The following FGF12 variants were observed in gnomAD, a reference collection of about 807,000 sequenced individuals.
FGF12 encodes the protein fibroblast growth factor 12B.
A neutral mutation model predicts 23.6 loss-of-function variants in FGF12; 14 were observed. The ratio of observed to expected loss-of-function variants is 0.59; its 90% CI spans 0.39 to 0.93. The LOEUF (loss-of-function observed/expected upper bound fraction) is 0.93, where lower values mean the gene tolerates loss of function less well. Ranked by LOEUF, FGF12 falls within the 40% of genes least tolerant of loss-of-function variation. The pLI is 0.00. For synonymous variants in FGF12, 62 were observed against 77.3 expected (o/e 0.80, Z 1.04); for missense variants, 175 against 217.8 (o/e 0.80, Z 1.24).
chr3:192,338,042 G>A (rs1455657700), intron 3 of FGF12, among the ~76,000 whole-genome samples: 1 of 152,148 alleles, frequency 6.6e-6, no homozygotes, highest in Admixed American at 6.6e-5. Flanking sequence ...AAGATTTAGA[G>A]TTAACCCAGG....
intron 4 of FGF12, among the ~76,000 whole-genome samples, chr3:192,330,509 T>C (rs1168872861): frequency 6.6e-6 from 1 of 152,138 alleles, no homozygotes; most frequent in Non-Finnish European, 1.5e-5. Context: ...AAAAACTGTA[T>C]ATCCACATGC....
intron 2 of FGF12, among the ~76,000 whole-genome samples, chr3:192,414,433 G>A (rs1373945487): frequency 2.0e-5 from 3 of 152,178 alleles, no homozygotes; most frequent in African/African-American, 4.8e-5. Flanking sequence ...TGTGCTATAC[G>A]CATGTCAACA....
At chr3:192,616,726 C>T (rs752170509) in intron 2 of FGF12, among the ~76,000 whole-genome samples, 29 of 152,020 alleles carry the variant, frequency 1.9e-4, no homozygotes, top group East Asian at 5.8e-4. Context: ...AAATCTTCTA[C>T]GGCATTATGT....
chr3:192,435,579 G>A (rs6794449), intron 2 of FGF12, among the ~76,000 whole-genome samples: 70,730 of 151,962 alleles, frequency 0.47, 16,743 homozygotes, highest in South Asian at 0.53. Context: ...AGCATTGTTC[G>A]GCCAGCAGGC....
chr3:192,340,479 A>G lies in FGF12; in HGVS notation c.125-5015T>C, dbSNP rs187060448. Among the ~76,000 whole-genome samples the G allele has an allele frequency of 4.8e-4, 73 of 152,304 alleles. No individual in the cohort carries two copies. The East Asian group carries it at 7.1e-3, about 15-fold the overall frequency. On this transcript the variant is annotated intron_variant, in intron 3 of 5. Transcript: ENST00000445105. ...CAATCCCAGTAAACATTTGCAGACT[A>G]AATAATACTACAATTATATGCCAAA... is the stretch of plus-strand genomic sequence containing the variant.
intron 2 of FGF12, among the ~76,000 whole-genome samples, chr3:192,667,357 A>T (rs1327018067): frequency 3.3e-5 from 5 of 152,108 alleles, no homozygotes; most frequent in African/African-American, 1.2e-4. Context: ...TAATCCCAGC[A>T]GTTTGGGAGG....
intron 2 of FGF12, among the ~76,000 whole-genome samples, chr3:192,454,880 G>A (rs73068378): frequency 0.048 from 7,253 of 152,110 alleles, 600 homozygotes; most frequent in African/African-American, 0.17. Flanking sequence ...ACAATAAGAC[G>A]GACATTACAA....
At chr3:192,364,852 G>C (rs1244911153) in intron 2 of FGF12, among the ~76,000 whole-genome samples, 1 of 152,114 alleles carries the variant, frequency 6.6e-6, no homozygotes. Flanking sequence ...GGGAAGGAGA[G>C]AGTAATATTA....
At chr3:192,243,445 T>C (rs1374010789) in intron 4 of FGF12, among the ~76,000 whole-genome samples, 1 of 151,646 alleles carries the variant, frequency 6.6e-6, no homozygotes, top group African/African-American at 2.4e-5. Context: ...AAGTAAAGCA[T>C]ATATGTATAT....
intron 3 of FGF12, among the ~76,000 whole-genome samples, chr3:192,353,035 G>A (rs1317185204): frequency 6.6e-6 from 1 of 152,132 alleles, no homozygotes; most frequent in Non-Finnish European, 1.5e-5. Flanking sequence ...TTCTATATCA[G>A]AAGTAAATAA....
chr3:192,636,884 C>A (rs1016114610), intron 2 of FGF12, among the ~76,000 whole-genome samples: 8 of 152,098 alleles, frequency 5.3e-5, no homozygotes, highest in African/African-American at 1.9e-4. Flanking sequence ...CTAAGAAAGG[C>A]CATGAGAGGA....
intron 2 of FGF12, among the ~76,000 whole-genome samples, chr3:192,681,613 A>G (rs1319506619): frequency 6.6e-6 from 1 of 152,220 alleles, no homozygotes; most frequent in East Asian, 1.9e-4. Flanking sequence ...ATAAAGAAAG[A>G]GCATGAAAGA....
At chr3:192,477,246 ACTCTATCTCCTGC>A (rs1723351766) in intron 2 of FGF12, among the ~76,000 whole-genome samples, 1 of 152,104 alleles carries the variant, frequency 6.6e-6, no homozygotes, top group Non-Finnish European at 1.5e-5. Context: ...TTCTCTCTTC[ACTCTATCTCCTGC>A]CAGCGCTTCC....
In FGF12 at chr3:192,142,280, G is replaced by A. The variant is rs938781784; in HGVS notation, c.*1729C>T. On this transcript the variant is annotated 3_prime_UTR_variant, in exon 6 of 6. Coordinates refer to ENST00000445105, the MANE Select transcript of FGF12 (RefSeq NM_004113.6). ...TCCACTATTGAAGAATAATGATTGT[G>A]TAAAGTGAGGGAAACTATATTGACC... 6.6e-6 allele frequency: 1 copy of A among 152,476 alleles called. No individual in the cohort carries two copies. Among genetic ancestry groups the A allele is most frequent in the Admixed American group, 6.6e-5 (1 of 15,258 alleles). The allele number at this position is 152,476 out of a possible 1,614,324, so 9.4% of individuals were successfully genotyped here. A position where few individuals can be genotyped will look rare whatever the true frequency, so the allele number is the denominator to read the frequency against.
chr3:192,211,976 A>G (rs563063254), intron 4 of FGF12, among the ~76,000 whole-genome samples: 4 of 152,230 alleles, frequency 2.6e-5, no homozygotes, highest in Non-Finnish European at 4.4e-5. Context: ...CAGGAATGTT[A>G]AACAGCCTAT....
chr3:192,356,902 C>A (rs1402423868), intron 3 of FGF12, among the ~76,000 whole-genome samples: 1 of 152,176 alleles, frequency 6.6e-6, no homozygotes, highest in Non-Finnish European at 1.5e-5. Context: ...GACTTCTAAT[C>A]CCCACTCTGA....
In FGF12 at chr3:192,653,754, G is replaced by A. The variant is rs1022848217; in HGVS notation, c.13+73427C>T. 7.5e-5 allele frequency among the ~76,000 whole-genome samples: 10 copies of A among 132,480 alleles called. No homozygotes were observed. In the East Asian group the frequency reaches 8.9e-4, roughly 12 times the overall value. 86.9% of individuals were successfully genotyped at this position (132,480 alleles called of 152,430 possible). On this transcript the variant is annotated intron_variant, in intron 2 of 5. Transcript: ENST00000445105. ...TTTTGAGACGGAATCATGCTCTATC[G>A]CCCAGGCTGGAGTGCAGTGGCGCTA...
At chr3:192,591,132 G>A (rs973252509) in intron 2 of FGF12, among the ~76,000 whole-genome samples, 2 of 151,170 alleles carry the variant, frequency 1.3e-5, no homozygotes, top group African/African-American at 2.4e-5. Context: ...TGAAGAAGGC[G>A]GTATCTATGG....
chr3:192,273,630 T>C (rs1383984627), intron 4 of FGF12, among the ~76,000 whole-genome samples: 1 of 152,202 alleles, frequency 6.6e-6, no homozygotes, highest in Non-Finnish European at 1.5e-5. Context: ...TATTCTTCCC[T>C]GGGGCTTTGT....
Sources: allele counts gnomAD v4.1 joint callset (sites outside exome capture counted in the v4.1 genomes callset), GRCh38; gene constraint gnomAD v4.1.1; transcripts MANE v1.5; gene names NCBI Gene and HGNC (gene_info 2026-07-23, HGNC 2026-07-21).